PAN3: variants seen among roughly 807,000 people sequenced by gnomAD.
PAN3 encodes the protein PAN2-PAN3 deadenylation complex subunit PAN3.
In PAN3, 19 loss-of-function variants were observed where a neutral mutation model predicts 96.2. That is an observed-to-expected ratio of 0.20 (90% CI 0.14 to 0.29). The LOEUF (loss-of-function observed/expected upper bound fraction) is 0.29, where lower values mean the gene tolerates loss of function less well. PAN3 is among the 10% of genes least tolerant of loss of function. PAN3 has a pLI of 1.00. For synonymous variants in PAN3, 433 were observed against 406.6 expected, an observed-to-expected ratio of 1.06 and a Z score of -0.78; for missense variants, 882 against 1,108.1, an observed-to-expected ratio of 0.80 and a Z score of 2.90.
In PAN3 at chr13:28,174,457, G is replaced by A. The variant is rs543439853; in HGVS notation, c.552+64G>A. ...ATTCTAGGGCCAGAGGACATATAGA[G>A]TCTTCATTTATTCCTACATTTGTTG... On this transcript the variant is annotated intron_variant, in intron 2 of 18. Transcript: ENST00000380958. The A allele has an allele frequency of 1.1e-5, 16 of 1,520,518 alleles. No homozygotes were observed. In the African/African-American group the frequency reaches 2.0e-4, roughly 19 times the overall value. The allele number at this position is 1,520,518 out of a possible 1,614,324, so 94.2% of individuals were successfully genotyped here.
intron 6 of PAN3, among the ~76,000 whole-genome samples, chr13:28,226,695 AG>A: frequency 6.6e-6 from 1 of 152,238 alleles, no homozygotes; most frequent in Non-Finnish European, 1.5e-5. Flanking sequence ...CAAATGTTCA[AG>A]AATATGCAGG....
chr13:28,155,442 T>G (rs1367177713), intron 1 of PAN3, among the ~76,000 whole-genome samples: 1 of 151,818 alleles, frequency 6.6e-6, no homozygotes, highest in Non-Finnish European at 1.5e-5. Flanking sequence ...TACAAAAATT[T>G]AGCCAGGTGT....
At chr13:28,228,669 A>T (rs2138424700) in intron 6 of PAN3, among the ~76,000 whole-genome samples, 2 of 152,296 alleles carry the variant, frequency 1.3e-5, no homozygotes, top group Middle Eastern at 6.8e-3. Context: ...AGTAAAATTA[A>T]CAGTAAACAA....
At chr13:28,194,479 T>A (rs1357295733) in intron 4 of PAN3, among the ~76,000 whole-genome samples, 1 of 143,430 alleles carries the variant, frequency 7.0e-6, no homozygotes, top group African/African-American at 2.6e-5. Context: ...TTTTTTTTTT[T>A]TTTTTTGTAG....
intron 5 of PAN3, among the ~76,000 whole-genome samples, chr13:28,206,369 G>C (rs1235418594): frequency 6.9e-6 from 1 of 144,400 alleles, no homozygotes; most frequent in African/African-American, 2.6e-5. Flanking sequence ...ATTCACCCAG[G>C]CTGGAGTGCA....
intron 18 of PAN3, among the ~76,000 whole-genome samples, chr13:28,290,409 C>T (rs1017717440): frequency 1.3e-5 from 2 of 152,168 alleles, no homozygotes; most frequent in African/African-American, 4.8e-5. Context: ...TGGCCAGGCT[C>T]GGTGTCTCAC....
intron 1 of PAN3, among the ~76,000 whole-genome samples, chr13:28,140,844 C>T (rs1434691862): frequency 2.0e-5 from 3 of 152,112 alleles, no homozygotes; most frequent in Non-Finnish European, 4.4e-5. Flanking sequence ...TTTTGTAAAA[C>T]AAATGGTTAC....
chr13:28,279,572 A>T (rs12172791), intron 15 of PAN3, among the ~76,000 whole-genome samples: 19,481 of 151,780 alleles, frequency 0.13, 1,479 homozygotes, highest in East Asian at 0.34. Flanking sequence ...ATCCTGGCCA[A>T]CATGGTGAAA....
chr13:28,186,139 C>T (rs116487496), intron 4 of PAN3, among the ~76,000 whole-genome samples: 1 of 152,202 alleles, frequency 6.6e-6, no homozygotes, highest in African/African-American at 2.4e-5. Flanking sequence ...TGAATGAAGT[C>T]TTTATCAGTT....
chr13:28,222,383 A>G (rs148443127), intron 6 of PAN3, among the ~76,000 whole-genome samples: 2 of 152,260 alleles, frequency 1.3e-5, no homozygotes, highest in East Asian at 3.9e-4. Flanking sequence ...GCTCCTCTTA[A>G]CAATGAAAGT....
chr13:28,140,776 G>A (rs937680509), intron 1 of PAN3, among the ~76,000 whole-genome samples: 2 of 152,052 alleles, frequency 1.3e-5, no homozygotes, highest in Non-Finnish European at 2.9e-5. Context: ...TGACTTTAAT[G>A]AAGATATATT....
chr13:28,287,855 TG>T (rs1869185441), intron 17 of PAN3, 128 bp from the exon 18 acceptor site: 1 of 765,190 alleles, frequency 1.3e-6, no homozygotes, highest in East Asian at 3.0e-5. Context: ...TTAAAAACAC[TG>T]TACCAGACTC....
At chr13:28,211,851 T>C (rs1880074646) in intron 5 of PAN3, among the ~76,000 whole-genome samples, 1 of 152,176 alleles carries the variant, frequency 6.6e-6, no homozygotes. Flanking sequence ...GAGGTGAACC[T>C]TGTGATTAAC....
At chr13:28,188,665 T>C (rs1032897876) in intron 4 of PAN3, among the ~76,000 whole-genome samples, 5 of 152,176 alleles carry the variant, frequency 3.3e-5, no homozygotes, top group Non-Finnish European at 7.4e-5. Flanking sequence ...ACACAGTGAT[T>C]ATGTTTTTGA....
At chr13:28,202,202 G>A (rs1241217791) in intron 5 of PAN3, among the ~76,000 whole-genome samples, 1 of 152,140 alleles carries the variant, frequency 6.6e-6, no homozygotes, top group Non-Finnish European at 1.5e-5. Context: ...TTTGACAACA[G>A]AATTGGGCCT....
At chr13:28,219,149 A>T (rs1003443663) in intron 5 of PAN3, among the ~76,000 whole-genome samples, 2 of 152,310 alleles carry the variant, frequency 1.3e-5, no homozygotes, top group African/African-American at 4.8e-5. Context: ...TTAAAAACAC[A>T]TTTAAGTCAC....
intron 5 of PAN3, chr13:28,214,772 A>T (rs377739476): frequency 8.8e-5 from 51 of 579,614 alleles, no homozygotes; most frequent in South Asian, 3.9e-4. Context: ...CAAGTACTAC[A>T]TGACTTAGCA....
chr13:28,221,965 C>G (rs1052993393), intron 6 of PAN3, among the ~76,000 whole-genome samples: 7 of 152,168 alleles, frequency 4.6e-5, no homozygotes, highest in African/African-American at 1.7e-4. Context: ...TTATATGTCT[C>G]TTTCCAAAGC....
rs887509564 is a variant in PAN3, at chr13:28,292,964, G to A, written c.*442G>A. Reference sequence around the variant, plus strand: ...TGCAGAATTTGCTCTTTTTGGGATGGGTTGCCCTGAATAACATTACGGACC... The same window carrying A: ...TGCAGAATTTGCTCTTTTTGGGATGAGTTGCCCTGAATAACATTACGGACC... On this transcript the variant is annotated 3_prime_UTR_variant, in exon 19 of 19. Coordinates refer to ENST00000380958, the MANE Select transcript of PAN3 (RefSeq NM_175854.8). 6.5e-6 allele frequency: 1 copy of A among 153,030 alleles called. No homozygotes were observed. Among genetic ancestry groups the A allele is most frequent in the Admixed American group, 6.5e-5 (1 of 15,304 alleles). 9.5% of individuals were successfully genotyped at this position (153,030 alleles called of 1,614,324 possible). A position where few individuals can be genotyped will look rare whatever the true frequency, so the allele number is the denominator to read the frequency against.
Sources: gnomAD v4.1 joint callset for allele counts (sites outside exome capture counted in the v4.1 genomes callset) on GRCh38, gnomAD v4.1.1 for gene constraint, MANE v1.5 for transcripts, NCBI Gene and HGNC (gene_info 2026-07-23, HGNC 2026-07-21) for gene names.